The following CCDC8 variants were observed in gnomAD, a reference collection of about 807,000 sequenced individuals.
CCDC8 encodes the protein coiled-coil domain containing 8 subunit of 3M complex.
Under a neutral mutation model 5.2 loss-of-function variants are expected in CCDC8, and 6 were observed. The ratio of observed to expected loss-of-function variants is 1.16; its 90% CI spans 0.63 to 2.28. The LOEUF (loss-of-function observed/expected upper bound fraction) is 2.28, where lower values mean the gene tolerates loss of function less well. CCDC8 is among the 30% of genes most tolerant of loss of function. The pLI, the probability that CCDC8 is intolerant of heterozygous loss-of-function variation, is 0.00. For missense variants in CCDC8, 724 were observed against 712.2 expected (o/e 1.02, Z -0.19); for synonymous variants, 310 against 286.5 (o/e 1.08, Z -0.83).
At position 46,412,823 on chromosome 19, in the gene CCDC8, GTCC is replaced by G; in HGVS notation, c.-16_-14del. ...CGATCTGCAGCATCCCCACCGTGGA[GTCC>G]TCCTCCTTGCGGAACACCTTGCCGA... On this transcript the variant is annotated 5_prime_UTR_variant, in exon 1 of 1. Transcript: ENST00000307522. The surrounding 1 kb of genome is among the most constrained non-coding windows in gnomAD (Gnocchi z 4.7). 1.2e-6 allele frequency: 2 copies of G among 1,614,028 alleles called. No homozygotes were observed. Among genetic ancestry groups the G allele is most frequent in the Non-Finnish European group, 1.7e-6 (2 of 1,180,018 alleles).
rs1568589124 is a variant in CCDC8 at position 46,411,642 on chromosome 19, T to C, written c.1169A>G (p.Asn390Ser). 1 of 1,574,070 alleles carries C rather than the reference T, an allele frequency of 6.4e-7. No individual in the cohort carries two copies. Among genetic ancestry groups the C allele is most frequent in the Non-Finnish European group, 8.6e-7 (1 of 1,156,668 alleles). ...GTCAGCTGGGGCCTCCGCCCTCTGA[T>C]TATCTGCAGCCTCTTCCCTGTGGTT... ...TDNHREEAAD[N>S]QRAEAPADQG... The change falls in exon 1 of 1, where the codon AAT becomes AGT. Residue 390 changes from asparagine to serine, a missense_variant. By Grantham distance (46) the Asn-to-Ser change is conservative. Coordinates refer to ENST00000307522, the MANE Select transcript of CCDC8 (RefSeq NM_032040.5).
chr19:46,412,058 G>A lies in CCDC8; in HGVS notation c.753C>T (p.Asn251=), dbSNP rs540591449. 4.3e-5 allele frequency: 69 copies of A among 1,600,528 alleles called. 1 individual carries two copies. In the South Asian group the frequency reaches 7.6e-4, roughly 18 times the overall value. ...CCTGGGGCACACAAACATCTCCCGC[G>A]TTTCCCAAGCGATCCCCCGGGCTGG... The part of the protein sequence containing the change: ...EGTSPGDRLG[N]AGDVCVPQAS... The change falls in exon 1 of 1, where the codon AAC becomes AAT. Residue 251 remains asparagine, a synonymous_variant. Transcript: ENST00000307522. The surrounding 1 kb of genome is among the most constrained non-coding windows in gnomAD (Gnocchi z 4.7).
rs746223320 is a variant in CCDC8 at position 46,412,418 on chromosome 19, G to C, written c.393C>G (p.Pro131=). The change falls in exon 1 of 1, where the codon CCC becomes CCG. Residue 131 remains proline, a synonymous_variant. Coordinates refer to ENST00000307522, the MANE Select transcript of CCDC8 (RefSeq NM_032040.5). The surrounding 1 kb of genome is among the most constrained non-coding windows in gnomAD (Gnocchi z 4.7). ...GGAACTTGCTGCCCAGGTAGCTGAC[G>C]GGCATTTTGCGCACCTTCTTGCCCC... ...PRRGKKVRKM[P]VSYLGSKFLG... 13 of 1,613,122 alleles carry C rather than the reference G, an allele frequency of 8.1e-6. No homozygotes were observed. The East Asian group carries it at 2.7e-4, about 33-fold the overall frequency.
At position 46,411,122 on chromosome 19, in the gene CCDC8, A is replaced by C; in HGVS notation, c.*72T>G. 6.3e-7 allele frequency: 1 copy of C among 1,579,564 alleles called. No individual in the cohort carries two copies. Among genetic ancestry groups the C allele is most frequent in the Non-Finnish European group, 8.7e-7 (1 of 1,153,636 alleles). On this transcript the variant is annotated 3_prime_UTR_variant, in exon 1 of 1. Transcript: ENST00000307522. ...TGGCCAGCACTCCACCTCCACTTTG[A>C]AGTTCAGAGGCAGAGCATCTCTCCC...
rs967455214 is a variant in CCDC8, at chr19:46,411,095, C to T, written c.*99G>A. 1.7e-5 allele frequency: 23 copies of T among 1,385,562 alleles called. No homozygotes were observed. Among genetic ancestry groups the T allele is most frequent in the Admixed American group, 5.4e-5 (3 of 55,264 alleles). The allele number at this position is 1,385,562 out of a possible 1,614,324, so 85.8% of individuals were successfully genotyped here. Reference sequence around the variant, plus strand: ...AATAAAGAGGGTTGTTAGGTGGAGACGTGGCCAGCACTCCACCTCCACTTT... The same window carrying T: ...AATAAAGAGGGTTGTTAGGTGGAGATGTGGCCAGCACTCCACCTCCACTTT... On this transcript the variant is annotated 3_prime_UTR_variant, in exon 1 of 1. Coordinates refer to ENST00000307522, the MANE Select transcript of CCDC8 (RefSeq NM_032040.5).
chr19:46,411,549 G>A lies in CCDC8; in HGVS notation c.1262C>T (p.Ala421Val). Reference sequence around the variant, plus strand: ...CCTCTGATTATCTGCACCCTGGACAGCTGGGGCCCTTTCCCTCTGGTCATG... The same window carrying A: ...CCTCTGATTATCTGCACCCTGGACAACTGGGGCCCTTTCCCTCTGGTCATG... The part of the protein sequence containing the change: ...AVHDQRERAP[A>V]VQGADNQRAQ... The change falls in exon 1 of 1, where the codon GCT (alanine) becomes GTT (valine). Residue 421 changes from alanine to valine, a missense_variant. Coordinates refer to ENST00000307522, the MANE Select transcript of CCDC8 (RefSeq NM_032040.5). 1 of 1,611,562 alleles carries A rather than the reference G, an allele frequency of 6.2e-7. No homozygotes were observed. Among genetic ancestry groups the A allele is most frequent in the Non-Finnish European group, 8.5e-7 (1 of 1,179,408 alleles).
In CCDC8 at chr19:46,411,968, C is replaced by G; in HGVS notation, c.843G>C (p.Gln281His). ...WASFRRRRKE[Q>H]TAPTGQGADI... ...CTGCCCCCTGACCTGTGGGTGCTGT[C>G]TGCTCCTTCCTGCGGCGCCGAAAGG... The change falls in exon 1 of 1, where the codon CAG (glutamine) becomes CAC (histidine). Residue 281 changes from glutamine (Q) to histidine (H), a missense_variant. Coordinates refer to ENST00000307522, the MANE Select transcript of CCDC8 (RefSeq NM_032040.5). 6.2e-7 allele frequency: 1 copy of G among 1,609,358 alleles called. No individual in the cohort carries two copies. The highest frequency in any genetic ancestry group is 8.5e-7 in the Non-Finnish European group (1 of 1,179,730).
chr19:46,411,566 C>G lies in CCDC8; in HGVS notation c.1245G>C (p.Gln415His), dbSNP rs891066458. The change falls in exon 1 of 1, where the codon CAG (glutamine) becomes CAC (histidine). Residue 415 changes from glutamine (Q) to histidine (H), a missense_variant. Transcript: ENST00000307522. ...CCTGGACAGCTGGGGCCCTTTCCCT[C>G]TGGTCATGTACGGCCTCTTCCCTTT... ...DNQREEAVHD[Q>H]RERAPAVQGA... 1 of 1,613,532 alleles carries G rather than the reference C, an allele frequency of 6.2e-7. No homozygotes were observed. The highest frequency in any genetic ancestry group is 8.5e-7 in the Non-Finnish European group (1 of 1,179,938).
rs150848184 is a variant in CCDC8, at chr19:46,411,898, C to G, written c.913G>C (p.Glu305Gln). ...TCCCGCTGGTCAGCTATGGCCTCTT[C>G]CCTTTGACTATCTGCAGCCTCTCCC... The part of the protein sequence containing the change: ...QGGEAADSQR[E>Q]EAIADQREGA... The change falls in exon 1 of 1, where the codon GAA becomes CAA. Residue 305 changes from glutamate to glutamine, a missense_variant. Glu to Gln is a conservative substitution (Grantham distance 29). Transcript: ENST00000307522. 144 of 1,613,506 alleles carry G rather than the reference C, an allele frequency of 8.9e-5. No homozygotes were observed. Among genetic ancestry groups the G allele is most frequent in the Non-Finnish European group, 1.1e-4 (130 of 1,179,732 alleles).
chr19:46,411,460 T>A lies in CCDC8; in HGVS notation c.1351A>T (p.Ile451Phe), dbSNP rs868868602. 1 of 1,614,180 alleles carries A rather than the reference T, an allele frequency of 6.2e-7. No individual in the cohort carries two copies. The highest frequency in any genetic ancestry group is 8.5e-7 in the Non-Finnish European group (1 of 1,180,002). ...AHNQRAGAPG[I>F]QEAEVSAAQG... is the part of the protein sequence containing the mutation. ...GCAGCTGAGACTTCAGCTTCCTGGA[T>A]ACCTGGGGCCCCTGCCCTCTGATTA... The change falls in exon 1 of 1, where the codon ATC becomes TTC. Residue 451 changes from isoleucine (I) to phenylalanine (F), a missense_variant. Physicochemically the swap from Ile to Phe is conservative, Grantham distance 21. Coordinates refer to ENST00000307522, the MANE Select transcript of CCDC8 (RefSeq NM_032040.5).
In CCDC8 at chr19:46,411,170, C is replaced by G. The variant is rs754312622; in HGVS notation, c.*24G>C. Reference sequence around the variant, plus strand: ...CCCTCCCACACTTGGAGGGAGGGCCCGTGGGCTGTCTCTAGCCCTCACCTC... The same window carrying G: ...CCCTCCCACACTTGGAGGGAGGGCCGGTGGGCTGTCTCTAGCCCTCACCTC... On this transcript the variant is annotated 3_prime_UTR_variant, in exon 1 of 1. Coordinates refer to ENST00000307522, the MANE Select transcript of CCDC8 (RefSeq NM_032040.5). 2 of 1,613,282 alleles carry G rather than the reference C, an allele frequency of 1.2e-6. No individual in the cohort carries two copies. The highest frequency in any genetic ancestry group is 1.1e-5 in the South Asian group (1 of 91,056).
Position 46,411,169 on chromosome 19 carries a change from C to CCGTG in CCDC8, c.*21_*24dup. ...TCCCTCCCACACTTGGAGGGAGGGC[C>CCGTG]CGTGGGCTGTCTCTAGCCCTCACCT... On this transcript the variant is annotated 3_prime_UTR_variant, in exon 1 of 1. Transcript: ENST00000307522. The CCGTG allele has an allele frequency of 6.2e-7, 1 of 1,613,390 alleles. No homozygotes were observed. Among genetic ancestry groups the CCGTG allele is most frequent in the Non-Finnish European group, 8.5e-7 (1 of 1,179,946 alleles).
In CCDC8 at chr19:46,413,382, G is replaced by C. The variant is rs1047293012; in HGVS notation, c.-572C>G. The C allele has an allele frequency of 1.8e-5, 3 of 169,088 alleles. No individual in the cohort carries two copies. Among genetic ancestry groups the C allele is most frequent in the Non-Finnish European group, 4.3e-5 (3 of 69,626 alleles). The allele number at this position is 169,088 out of a possible 1,614,324, so 10.5% of individuals were successfully genotyped here. Reference sequence around the variant, plus strand: ...GCCCCAGGCCCCAGGGACGCGGCTGGAACTTGGGACAGGACTTCGCAGACA... The same window carrying C: ...GCCCCAGGCCCCAGGGACGCGGCTGCAACTTGGGACAGGACTTCGCAGACA... On this transcript the variant is annotated 5_prime_UTR_variant, in exon 1 of 1. Coordinates refer to ENST00000307522, the MANE Select transcript of CCDC8 (RefSeq NM_032040.5).
At position 46,412,083 on chromosome 19, in the gene CCDC8, G is replaced by C. The variant is rs1380034323; in HGVS notation, c.728C>G (p.Thr243Ser). 1.9e-6 allele frequency: 3 copies of C among 1,599,670 alleles called. No homozygotes were observed. The highest frequency in any genetic ancestry group is 2.5e-6 in the Non-Finnish European group (3 of 1,179,946). The change falls in exon 1 of 1, where the codon ACC becomes AGC. Residue 243 changes from threonine to serine, a missense_variant. Coordinates refer to ENST00000307522, the MANE Select transcript of CCDC8 (RefSeq NM_032040.5). This position sits in a 1 kb window ranked among gnomAD's most constrained non-coding sequence, Gnocchi z 4.7. Reference protein sequence around the residue: ...SAGVSSAPEGTSPGDRLGNAG... With the variant: ...SAGVSSAPEGSSPGDRLGNAG... Reference sequence around the variant, plus strand: ...GTTTCCCAAGCGATCCCCCGGGCTGGTGCCCTCTGGCGCCGATGATACCCC... The same window carrying C: ...GTTTCCCAAGCGATCCCCCGGGCTGCTGCCCTCTGGCGCCGATGATACCCC...
rs940845498 is a variant in CCDC8 at position 46,410,857 on chromosome 19, T to A, written c.*337A>T. 2.0e-5 allele frequency: 4 copies of A among 204,672 alleles called. No homozygotes were observed. The highest frequency in any genetic ancestry group is 5.3e-5 in the Admixed American group (1 of 18,698). 12.7% of individuals were successfully genotyped at this position (204,672 alleles called of 1,614,324 possible). A position where few individuals can be genotyped will look rare whatever the true frequency, so the allele number is the denominator to read the frequency against. On this transcript the variant is annotated 3_prime_UTR_variant, in exon 1 of 1. Coordinates refer to ENST00000307522, the MANE Select transcript of CCDC8 (RefSeq NM_032040.5). ...TTGGGTTGCTACAAGGAATCAGTAT[T>A]TTTTTTTTTTAATCAGATGGTGTGT...
Position 46,410,968 on chromosome 19 carries a change from G to C in CCDC8, c.*226C>G. ...GGCCAGAAGTTTGAGGCTGCAGTGAGTTATGATCATGCCACTGCACTCCAG... is the reference window on the plus strand; with the variant it reads ...GGCCAGAAGTTTGAGGCTGCAGTGACTTATGATCATGCCACTGCACTCCAG... On this transcript the variant is annotated 3_prime_UTR_variant, in exon 1 of 1. Coordinates refer to ENST00000307522, the MANE Select transcript of CCDC8 (RefSeq NM_032040.5). 1.8e-6 allele frequency: 1 copy of C among 565,528 alleles called. No individual in the cohort carries two copies. The highest frequency in any genetic ancestry group is 2.1e-5 in the South Asian group (1 of 47,700). The allele number at this position is 565,528 out of a possible 1,614,324, so 35.0% of individuals were successfully genotyped here. A position where few individuals can be genotyped will look rare whatever the true frequency, so the allele number is the denominator to read the frequency against.
rs1442264052 is a variant in CCDC8 at position 46,411,364 on chromosome 19, G to C, written c.1447C>G (p.Pro483Ala). The change falls in exon 1 of 1, where the codon CCT becomes GCT. Residue 483 changes from proline to alanine, a missense_variant. Transcript: ENST00000307522. ...KQVKTVRFQT[P>A]GRFSWFCKRR... ...TTGCAAAACCACGAAAAGCGTCCAG[G>C]GGTCTGGAACCTCACTGTCTTGACC... 6.2e-7 allele frequency: 1 copy of C among 1,614,204 alleles called. No homozygotes were observed. Among genetic ancestry groups the C allele is most frequent in the South Asian group, 1.1e-5 (1 of 91,082 alleles).
At position 46,411,908 on chromosome 19, in the gene CCDC8, A is replaced by C; in HGVS notation, c.903T>G (p.Asp301Glu). Residue 301 changes from aspartate (D) to glutamate (E), a missense_variant, in exon 1 of 1, where the codon GAT becomes GAG. By Grantham distance (45) the Asp-to-Glu change is conservative. Coordinates refer to ENST00000307522, the MANE Select transcript of CCDC8 (RefSeq NM_032040.5). ...CAGCTATGGCCTCTTCCCTTTGACT[A>C]TCTGCAGCCTCTCCCCCCTGATCAG... ...IEADQGGEAA[D>E]SQREEAIADQ... 1 of 1,613,186 alleles carries C rather than the reference A, an allele frequency of 6.2e-7. No homozygotes were observed. Among genetic ancestry groups the C allele is most frequent in the Non-Finnish European group, 8.5e-7 (1 of 1,179,554 alleles).
chr19:46,413,325 T>G lies in CCDC8; in HGVS notation c.-515A>C, dbSNP rs4802310. The G allele has an allele frequency of 1.2e-5, 2 of 169,532 alleles. No individual in the cohort carries two copies. Among genetic ancestry groups the G allele is most frequent in the African/African-American group, 2.4e-5 (1 of 41,418 alleles). The allele number at this position is 169,532 out of a possible 1,614,324, so 10.5% of individuals were successfully genotyped here. On this transcript the variant is annotated 5_prime_UTR_variant, in exon 1 of 1. Transcript: ENST00000307522. ...GGAAACGTGGTGTCCCAGCTCCAAG[T>G]TGGGGCGCGCGGGCTGCCAGCGACT...
Sources: gnomAD v4.1 joint callset for allele counts on GRCh38, gnomAD v4.1.1 for gene constraint, Gnocchi (gnomAD v3.1) non-coding constraint, MANE v1.5 for transcripts, NCBI Gene and HGNC (gene_info 2026-07-23, HGNC 2026-07-21) for gene names.